MPHOSPH8: variants seen among roughly 807,000 people sequenced by gnomAD.
MPHOSPH8 encodes the protein M-phase phosphoprotein 8.
Under a neutral mutation model 87.3 loss-of-function variants are expected in MPHOSPH8, and 45 were observed. That is an observed-to-expected ratio of 0.52 (90% CI 0.41 to 0.66). The LOEUF (loss-of-function observed/expected upper bound fraction) is 0.66. Among genes scored for constraint, MPHOSPH8 ranks in the 30% least tolerant of loss-of-function variants. MPHOSPH8 has a pLI of 0.00. For missense variants in MPHOSPH8, 883 were observed against 1,020.2 expected, an observed-to-expected ratio of 0.87 and a Z score of 1.83; for synonymous variants, 366 against 376.9, an observed-to-expected ratio of 0.97 and a Z score of 0.33.
chr13:19,670,432 T>TA, intron 12 of MPHOSPH8, 69 bp downstream of exon 12: 1 of 1,511,876 alleles, frequency 6.6e-7, no homozygotes, highest in Non-Finnish European at 9.0e-7. Context: ...GACTTAATTT[T>TA]AAATTCCTGT....
At chr13:19,659,739 G>C (rs1486646419) in intron 7 of MPHOSPH8, 2 of 377,854 alleles carry the variant, frequency 5.3e-6, no homozygotes, top group Non-Finnish European at 1.0e-5. Flanking sequence ...TACAATTATA[G>C]TCCCTTTAAT....
chr13:19,638,365 A>T (rs1184449747), intron 1 of MPHOSPH8, among the ~76,000 whole-genome samples: 2 of 152,094 alleles, frequency 1.3e-5, no homozygotes, highest in African/African-American at 4.8e-5. Context: ...CTGTAATCCC[A>T]GCACTTTGGG....
intron 1 of MPHOSPH8, 119 bp downstream of exon 1, chr13:19,634,080 T>TA: frequency 2.0e-6 from 2 of 1,022,480 alleles, no homozygotes; most frequent in South Asian, 1.4e-5. Flanking sequence ...ATGTGAGAGT[T>TA]CAATGCAAGC....
intron 8 of MPHOSPH8, 93 bp downstream of exon 8, chr13:19,661,931 A>G (rs1875553585): frequency 2.2e-6 from 3 of 1,385,152 alleles, no homozygotes; most frequent in South Asian, 1.6e-5. Flanking sequence ...TATAGCAGTC[A>G]CATGGTCACA....
At chr13:19,654,585 CAA>C (rs755990696) in intron 5 of MPHOSPH8, among the ~76,000 whole-genome samples, 19 of 152,146 alleles carry the variant, frequency 1.2e-4, no homozygotes, top group Non-Finnish European at 2.6e-4. Flanking sequence ...TAAAAATAGA[CAA>C]AGAATGCTAA....
chr13:19,667,356 AG>A (rs1236068527), intron 10 of MPHOSPH8, among the ~76,000 whole-genome samples: 1 of 152,154 alleles, frequency 6.6e-6, no homozygotes, highest in East Asian at 1.9e-4. Flanking sequence ...GGGAACCTAC[AG>A]GGACATGGCA....
intron 9 of MPHOSPH8, among the ~76,000 whole-genome samples, chr13:19,664,196 G>C (rs552908603): frequency 2.0e-4 from 30 of 152,236 alleles, no homozygotes; most frequent in African/African-American, 7.0e-4. Context: ...GGCTTGTCTT[G>C]AACTCCTGGC....
At chr13:19,650,563 A>T (rs1874789584) in intron 5 of MPHOSPH8, among the ~76,000 whole-genome samples, 1 of 152,100 alleles carries the variant, frequency 6.6e-6, no homozygotes, top group Non-Finnish European at 1.5e-5. Flanking sequence ...TATTTAATAG[A>T]TTTCTTTCAG....
chr13:19,671,159 G>A (rs781647319), intron 12 of MPHOSPH8, 47 bp from the exon 13 acceptor site: 8 of 1,597,858 alleles, frequency 5.0e-6, no homozygotes, highest in Non-Finnish European at 6.8e-6. Context: ...AAGGGCTTCT[G>A]GTGTAAGTTT....
chr13:19,641,998 C>T, intron 1 of MPHOSPH8, 117 bp from the exon 2 acceptor site: 1 of 907,788 alleles, frequency 1.1e-6, no homozygotes. Flanking sequence ...TGAAAATTTC[C>T]ACTTAGAAGC....
chr13:19,668,813 G>T (rs962115188), intron 11 of MPHOSPH8, among the ~76,000 whole-genome samples: 1 of 152,146 alleles, frequency 6.6e-6, no homozygotes, highest in Non-Finnish European at 1.5e-5. Flanking sequence ...TCTAAGCCTA[G>T]AATGTTTTTT....
At chr13:19,670,473 G>C in intron 12 of MPHOSPH8, 110 bp downstream of exon 12, 1 of 1,237,852 alleles carries the variant, frequency 8.1e-7, no homozygotes, top group Non-Finnish European at 1.1e-6. Flanking sequence ...TTCAGAAAAC[G>C]ATCCAGTAAT....
At chr13:19,636,111 G>A (rs183858126) in intron 1 of MPHOSPH8, among the ~76,000 whole-genome samples, 4 of 152,292 alleles carry the variant, frequency 2.6e-5, no homozygotes, top group Admixed American at 2.0e-4. Context: ...CCAGTCTCAG[G>A]TATTTCTTCA....
chr13:19,667,984 A>T (rs1355663904), intron 10 of MPHOSPH8, among the ~76,000 whole-genome samples: 1 of 152,160 alleles, frequency 6.6e-6, no homozygotes, highest in African/African-American at 2.4e-5. Flanking sequence ...CTCTGGTCAC[A>T]CGGGGGGTTT....
intron 2 of MPHOSPH8, among the ~76,000 whole-genome samples, chr13:19,645,776 C>CCCTTCTCT (rs938435769): frequency 1.3e-5 from 2 of 151,180 alleles, no homozygotes; most frequent in African/African-American, 4.9e-5. Flanking sequence ...TCGTTTCCAT[C>CCCTTCTCT]CCTTCTCTCT....
rs1378215801 is a variant in MPHOSPH8 at position 19,635,343 on chromosome 13, A to AC, written c.213+1386dup. On this transcript the variant is annotated intron_variant, in intron 1 of 13. Transcript: ENST00000361479. ...AGACCAGCCTGGCCAACATGGTGAA[A>AC]CCCCGTCTCTACTAAAACACAAAAA... Among the ~76,000 whole-genome samples the AC allele has an allele frequency of 3.3e-5, 5 of 152,266 alleles. No individual in the cohort carries two copies. In the East Asian group the frequency reaches 9.6e-4, roughly 29 times the overall value.
At chr13:19,657,296 A>G (rs531772611) in intron 5 of MPHOSPH8, among the ~76,000 whole-genome samples, 2 of 152,002 alleles carry the variant, frequency 1.3e-5, no homozygotes, top group Non-Finnish European at 2.9e-5. Flanking sequence ...CAGGCAGATC[A>G]TTTGAGGTCA....
intron 12 of MPHOSPH8, chr13:19,670,797 T>G: frequency 1.6e-6 from 2 of 1,217,338 alleles, no homozygotes; most frequent in South Asian, 3.0e-5. Flanking sequence ...ATATTTTTAA[T>G]AAATCAAGGG....
At chr13:19,634,064 G>A (rs1314781485) in intron 1 of MPHOSPH8, 103 bp downstream of exon 1, 1 of 1,214,788 alleles carries the variant, frequency 8.2e-7, no homozygotes, top group Admixed American at 2.0e-5. Context: ...CAGGAGCGGG[G>A]GAGGAATGTG....
Sources: allele counts gnomAD v4.1 joint callset (sites outside exome capture counted in the v4.1 genomes callset), GRCh38; gene constraint gnomAD v4.1.1; transcripts MANE v1.5; gene names NCBI Gene and HGNC (gene_info 2026-07-23, HGNC 2026-07-21).